Variants in MOGAT1 observed in about 807,000 individuals in gnomAD.
The protein encoded by MOGAT1 is monoacylglycerol O-acyltransferase 1.
In MOGAT1, 32 loss-of-function variants were observed where a neutral mutation model predicts 31.4. The observed-to-expected ratio is 1.02, with a 90% CI of 0.77 to 1.37. MOGAT1 has a LOEUF of 1.37. Among genes scored for constraint, MOGAT1 ranks in the 40% most tolerant of loss-of-function variants. The probability of loss-of-function intolerance (pLI) is 0.00; values close to 1 mark genes in which losing one functional copy is unlikely to be tolerated. For synonymous variants in MOGAT1, 145 were observed against 144.5 expected, an observed-to-expected ratio of 1.00 and a Z score of -0.03; for missense variants, 426 against 402.0, an observed-to-expected ratio of 1.06 and a Z score of -0.51.
rs576406691 is a variant in MOGAT1 at position 222,695,072 on chromosome 2, C to T, written c.654-17C>T. 1.9e-6 allele frequency: 3 copies of T among 1,561,016 alleles called. No homozygotes were observed. The highest frequency in any genetic ancestry group is 2.4e-5 in the South Asian group (2 of 83,446). On this transcript the variant is annotated splice_polypyrimidine_tract_variant and intron_variant, in intron 4 of 5. Coordinates refer to ENST00000446656, the MANE Select transcript of MOGAT1 (RefSeq NM_058165.3). ...CTTTTCATTGAAAATTCTCACCCGT[C>T]CCCTTTGTTATTGCAGCGCCTCTCT...
chr2:222,693,620 T>C (rs1023965831), intron 3 of MOGAT1, among the ~76,000 whole-genome samples: 1 of 152,050 alleles, frequency 6.6e-6, no homozygotes, highest in African/African-American at 2.4e-5. Context: ...ACGTCTTACA[T>C]GGGTGGCGGC....
chr2:222,692,798 G>C (rs1459706880), intron 3 of MOGAT1, among the ~76,000 whole-genome samples: 1 of 152,172 alleles, frequency 6.6e-6, no homozygotes, highest in African/African-American at 2.4e-5. Context: ...AGGAGCCTGA[G>C]GGAAAACGGA....
chr2:222,701,546 GA>G (rs11435365), intron 5 of MOGAT1, among the ~76,000 whole-genome samples: 1 of 122,008 alleles, frequency 8.2e-6, no homozygotes, highest in African/African-American at 3.2e-5. Context: ...AAAGAAAAAA[GA>G]AAAAAGAAAG....
At chr2:222,687,276 G>C (rs1409600193) in intron 1 of MOGAT1, among the ~76,000 whole-genome samples, 2 of 152,034 alleles carry the variant, frequency 1.3e-5, no homozygotes, top group Non-Finnish European at 2.9e-5. Flanking sequence ...TTGGGGACAG[G>C]GTTGTCTTTA....
intron 3 of MOGAT1, among the ~76,000 whole-genome samples, chr2:222,693,819 G>T (rs1227258137): frequency 6.6e-6 from 1 of 152,138 alleles, no homozygotes; most frequent in Non-Finnish European, 1.5e-5. Flanking sequence ...TTAGGTGGGG[G>T]CACAGTCAAA....
chr2:222,704,924 A>G (rs1667257600), intron 5 of MOGAT1, among the ~76,000 whole-genome samples: 1 of 152,202 alleles, frequency 6.6e-6, no homozygotes, highest in South Asian at 2.1e-4. Context: ...TCATACCCCA[A>G]GAGAAGGCCC....
At chr2:222,706,378 C>T (rs1693003645) in intron 5 of MOGAT1, among the ~76,000 whole-genome samples, 1 of 150,982 alleles carries the variant, frequency 6.6e-6, no homozygotes, top group Non-Finnish European at 1.5e-5. Context: ...GAGGCTGAGG[C>T]AGGAGAATTG....
At chr2:222,692,844 G>A (rs1037787090) in intron 3 of MOGAT1, among the ~76,000 whole-genome samples, 2 of 152,158 alleles carry the variant, frequency 1.3e-5, no homozygotes, top group Admixed American at 6.5e-5. Flanking sequence ...AGCCAGGGGT[G>A]TGGAAACCCA....
intron 5 of MOGAT1, among the ~76,000 whole-genome samples, chr2:222,701,765 G>C (rs991834200): frequency 4.6e-5 from 7 of 152,114 alleles, no homozygotes; most frequent in Admixed American, 1.3e-4. Context: ...ATGCTCCAGC[G>C]CTGGCCACAT....
chr2:222,674,234 T>C (rs758866770), intron 1 of MOGAT1, among the ~76,000 whole-genome samples: 5 of 152,220 alleles, frequency 3.3e-5, no homozygotes, highest in African/African-American at 4.8e-5. Context: ...TTCACCTCAA[T>C]GTTTTTGTTT....
intron 5 of MOGAT1, among the ~76,000 whole-genome samples, chr2:222,703,583 T>A (rs1692960903): frequency 6.6e-6 from 1 of 151,954 alleles, no homozygotes; most frequent in African/African-American, 2.4e-5. Flanking sequence ...CATACTCACA[T>A]GTACACAAGC....
intron 5 of MOGAT1, among the ~76,000 whole-genome samples, chr2:222,701,732 C>T (rs185829349): frequency 1.3e-5 from 2 of 152,070 alleles, no homozygotes; most frequent in Non-Finnish European, 2.9e-5. Flanking sequence ...CATCCATAGG[C>T]GTGCCCTGAT....
At chr2:222,695,612 C>A (rs932886406) in intron 5 of MOGAT1, among the ~76,000 whole-genome samples, 1 of 152,140 alleles carries the variant, frequency 6.6e-6, no homozygotes, top group Non-Finnish European at 1.5e-5. Context: ...TCTTTGATGA[C>A]AAGTCATATC....
chr2:222,707,267 G>A (rs1559235485), intron 5 of MOGAT1, among the ~76,000 whole-genome samples: 1 of 148,866 alleles, frequency 6.7e-6, no homozygotes, highest in South Asian at 2.1e-4. Context: ...AAGAAAGAGA[G>A]AGAGAAAGAA....
chr2:222,706,114 A>C (rs543213308), intron 5 of MOGAT1, among the ~76,000 whole-genome samples: 38 of 152,290 alleles, frequency 2.5e-4, no homozygotes, highest in African/African-American at 7.9e-4. Flanking sequence ...CTTTTCCTAC[A>C]ACTAAGGCAA....
intron 1 of MOGAT1, 122 bp downstream of exon 1, chr2:222,672,001 G>A (rs1440919350): frequency 5.5e-6 from 4 of 732,694 alleles, no homozygotes; most frequent in Non-Finnish European, 2.3e-6. Flanking sequence ...AGAGCAGGCA[G>A]GTCAAAGAGG....
intron 1 of MOGAT1, among the ~76,000 whole-genome samples, chr2:222,685,304 C>T (rs1199327887): frequency 1.3e-5 from 2 of 152,212 alleles, no homozygotes; most frequent in Non-Finnish European, 2.9e-5. Flanking sequence ...CAGTTCTGTG[C>T]CAGGAACTGT....
At chr2:222,701,563 GAA>G (rs1231182368) in intron 5 of MOGAT1, among the ~76,000 whole-genome samples, 1 of 103,328 alleles carries the variant, frequency 9.7e-6, no homozygotes. Context: ...GAAAGAAAGA[GAA>G]AGAAAGAAAA....
At position 222,683,556 on chromosome 2, in the gene MOGAT1, C is replaced by T. The variant is rs191426543; in HGVS notation, c.95-4788C>T. Among the ~76,000 whole-genome samples the T allele has an allele frequency of 9.0e-4, 136 of 151,748 alleles. 1 individual carries two copies. Among genetic ancestry groups the T allele is most frequent in the Middle Eastern group, 6.8e-3 (2 of 292 alleles). ...CAGCCTGGCAAACATGGCGAAACCC[C>T]GCCTCTACTAAAAATACAAAAATTA... On this transcript the variant is annotated intron_variant, in intron 1 of 5. Transcript: ENST00000446656.
Sources: allele counts gnomAD v4.1 joint callset (sites outside exome capture counted in the v4.1 genomes callset), GRCh38; gene constraint gnomAD v4.1.1; transcripts MANE v1.5; gene names NCBI Gene and HGNC (gene_info 2026-07-23, HGNC 2026-07-21).